Variants in CEP350 observed in about 807,000 individuals in gnomAD.
CEP350 encodes the protein centrosomal protein 350.
A neutral mutation model predicts 331.8 loss-of-function variants in CEP350; 126 were observed. The ratio of observed to expected loss-of-function variants is 0.38; its 90% CI spans 0.33 to 0.44. The LOEUF (loss-of-function observed/expected upper bound fraction) is 0.44. CEP350 is among the 20% of genes least tolerant of loss of function. CEP350 has a pLI of 1.00. For missense variants in CEP350, 3,406 were observed against 3,634.6 expected, an observed-to-expected ratio of 0.94 and a Z score of 1.62; for synonymous variants, 1,200 against 1,259.5, an observed-to-expected ratio of 0.95 and a Z score of 1.00.
intron 27 of CEP350, among the ~76,000 whole-genome samples, chr1:180,074,655 G>T (rs1243078772): frequency 6.6e-6 from 1 of 152,112 alleles, no homozygotes; most frequent in Non-Finnish European, 1.5e-5. Context: ...TCTGGTCTGA[G>T]CCTTCAGAAT....
chr1:180,050,105 A>G (rs1657388631), intron 22 of CEP350, among the ~76,000 whole-genome samples: 1 of 152,174 alleles, frequency 6.6e-6, no homozygotes, highest in African/African-American at 2.4e-5. Context: ...ATCCAAAGAA[A>G]CCAAACCCTT....
chr1:180,102,978 A>G (rs182368306), intron 37 of CEP350, among the ~76,000 whole-genome samples: 12 of 152,378 alleles, frequency 7.9e-5, no homozygotes, highest in Non-Finnish European at 7.3e-5. Flanking sequence ...AATAGGCAGA[A>G]GAAATGAGAG....
chr1:180,057,099 CTTT>C (rs1184545742), intron 25 of CEP350, among the ~76,000 whole-genome samples: 2 of 137,706 alleles, frequency 1.5e-5, no homozygotes, highest in African/African-American at 2.7e-5. Flanking sequence ...ACTTTTCTTT[CTTT>C]TTTTTTTTTT....
intron 9 of CEP350, among the ~76,000 whole-genome samples, chr1:180,012,317 A>C (rs184076433): frequency 3.3e-5 from 5 of 152,344 alleles, no homozygotes; most frequent in Admixed American, 3.3e-4. Context: ...GTCATTGTGA[A>C]TATGAAAGCA....
At chr1:179,985,077 G>T (rs1455228046) in intron 1 of CEP350, among the ~76,000 whole-genome samples, 4 of 151,910 alleles carry the variant, frequency 2.6e-5, no homozygotes, top group Non-Finnish European at 5.9e-5. Flanking sequence ...TCATATTGTT[G>T]TACAACCATC....
At chr1:180,032,229 G>A (rs919062065) in intron 15 of CEP350, among the ~76,000 whole-genome samples, 12 of 152,080 alleles carry the variant, frequency 7.9e-5, no homozygotes, top group African/African-American at 2.9e-4. Flanking sequence ...CTTGGAAATT[G>A]AGGCTCTGAG....
intron 1 of CEP350, among the ~76,000 whole-genome samples, chr1:179,958,515 A>G (rs1650342406): frequency 6.6e-6 from 1 of 152,220 alleles, no homozygotes; most frequent in Admixed American, 6.5e-5. Context: ...AACAGGTTTC[A>G]GGGTATCTAT....
intron 7 of CEP350, among the ~76,000 whole-genome samples, chr1:180,005,123 A>AGTCTCAGGGCTTTAAATGTTCCCTGTTGC (rs1654170338): frequency 6.7e-6 from 1 of 149,242 alleles, no homozygotes; most frequent in African/African-American, 2.5e-5. Context: ...AAATTTGTCT[A>AGTCTCAGGGCTTTAAATGTTCCCTGTTGC]GTCTCAGGGC....
chr1:180,015,699 A>G, intron 10 of CEP350, 150 bp from the exon 11 acceptor site: 1 of 1,003,524 alleles, frequency 1.0e-6, no homozygotes, highest in Non-Finnish European at 1.4e-6. Flanking sequence ...TTTAAGACAA[A>G]ATAAATTTTA....
intron 11 of CEP350, among the ~76,000 whole-genome samples, chr1:180,018,119 CCTCAGCCTCCTAA>C (rs1241422369): frequency 1.3e-5 from 2 of 152,206 alleles, no homozygotes; most frequent in African/African-American, 4.8e-5. Context: ...GATCCTCCCA[CCTCAGCCTCCTAA>C]GTAGCTGTGA....
chr1:180,073,813 C>T, intron 27 of CEP350: 1 of 1,304,488 alleles, frequency 7.7e-7, no homozygotes, highest in Non-Finnish European at 1.0e-6. Context: ...ACTACTTCTT[C>T]TCTGTCTTTA....
At chr1:179,962,692 G>A (rs1650724094) in intron 1 of CEP350, among the ~76,000 whole-genome samples, 1 of 152,210 alleles carries the variant, frequency 6.6e-6, no homozygotes, top group South Asian at 2.1e-4. Context: ...ACAGGCATGA[G>A]CCACTGCTCC....
At position 180,090,861 on chromosome 1, in the gene CEP350, C is replaced by T. The variant is rs112691267; in HGVS notation, c.6508+65C>T. 2.9e-3 allele frequency: 3,781 copies of T among 1,303,914 alleles called. 5 individuals carry two copies. The highest frequency in any genetic ancestry group is 3.6e-3 in the Non-Finnish European group (3,586 of 993,148). 80.8% of individuals were successfully genotyped at this position (1,303,914 alleles called of 1,614,324 possible). A position where few individuals can be genotyped will look rare whatever the true frequency, so the allele number is the denominator to read the frequency against. ...GTCTAAGGATTTATGCAAAGGCCTA[C>T]AAAATTCTACCTCTATAGCTTTTTT... On this transcript the variant is annotated intron_variant, in intron 33 of 37. Transcript: ENST00000367607.
intron 14 of CEP350, among the ~76,000 whole-genome samples, chr1:180,025,273 A>T (rs1174969712): frequency 6.6e-6 from 1 of 152,216 alleles, no homozygotes; most frequent in Non-Finnish European, 1.5e-5. Context: ...TAGTATATAC[A>T]TCTCTGAGTA....
chr1:180,048,735 C>T, intron 22 of CEP350, 30 bp downstream of exon 22: 3 of 1,552,340 alleles, frequency 1.9e-6, no homozygotes, highest in Middle Eastern at 1.7e-4. Flanking sequence ...AATGTGTAAT[C>T]ATTTGTTCAG....
At chr1:180,016,652 T>C (rs2148818379) in intron 11 of CEP350, among the ~76,000 whole-genome samples, 1 of 139,034 alleles carries the variant, frequency 7.2e-6, no homozygotes, top group South Asian at 2.4e-4. Context: ...TATCCAATTT[T>C]GGGTTATGTT....
intron 1 of CEP350, among the ~76,000 whole-genome samples, chr1:179,956,774 A>G (rs1210841459): frequency 6.6e-6 from 1 of 152,152 alleles, no homozygotes; most frequent in African/African-American, 2.4e-5. Flanking sequence ...GATCTTGTGA[A>G]GTAGGTATGG....
intron 28 of CEP350, 33 bp from the exon 29 acceptor site, chr1:180,078,430 C>CT (rs770994619): frequency 5.4e-5 from 81 of 1,487,076 alleles, no homozygotes; most frequent in Non-Finnish European, 6.6e-5. Context: ...AAGATTGTAT[C>CT]TTTTTTTTCT....
intron 1 of CEP350, among the ~76,000 whole-genome samples, chr1:179,963,915 A>G (rs1302415047): frequency 6.6e-6 from 1 of 152,084 alleles, no homozygotes; most frequent in Admixed American, 6.6e-5. Context: ...TTTGGGCAGT[A>G]TGGTCATTTA....
Sources: allele counts gnomAD v4.1 joint callset (sites outside exome capture counted in the v4.1 genomes callset), GRCh38; gene constraint gnomAD v4.1.1; transcripts MANE v1.5; gene names NCBI Gene and HGNC (gene_info 2026-07-23, HGNC 2026-07-21).